Variants in SLC37A1 observed in about 807,000 individuals in gnomAD.
The protein encoded by SLC37A1 is glucose-6-phosphate exchanger SLC37A1.
In SLC37A1, 49 loss-of-function variants were observed where a neutral mutation model predicts 75.3. That is an observed-to-expected ratio of 0.65 (90% confidence interval 0.52 to 0.83). The LOEUF (loss-of-function observed/expected upper bound fraction) is 0.83, where lower values mean the gene tolerates loss of function less well. Among genes scored for constraint, SLC37A1 ranks in the 40% least tolerant of loss-of-function variants. SLC37A1 has a pLI of 0.00. For synonymous variants in SLC37A1, 268 were observed against 292.1 expected, an observed-to-expected ratio of 0.92 and a Z score of 0.84; for missense variants, 566 against 695.0, an observed-to-expected ratio of 0.81 and a Z score of 2.09.
intron 5 of SLC37A1, 44 bp from the exon 6 acceptor site, chr21:42,539,468 G>A (rs1438193626): frequency 1.3e-6 from 2 of 1,576,450 alleles, no homozygotes; most frequent in South Asian, 1.2e-5. Flanking sequence ...TAACATTCGG[G>A]CGTGTTTGTT....
chr21:42,508,115 G>A (rs534665941), intron 2 of SLC37A1, among the ~76,000 whole-genome samples: 2 of 146,326 alleles, frequency 1.4e-5, no homozygotes, highest in East Asian at 4.1e-4. Flanking sequence ...GGACTGAAGA[G>A]TACGCTCTTT....
At chr21:42,576,634 G>A (rs1242560352) in intron 18 of SLC37A1, among the ~76,000 whole-genome samples, 1 of 152,024 alleles carries the variant, frequency 6.6e-6, no homozygotes, top group East Asian at 1.9e-4. Context: ...TGTTACTAAT[G>A]ACATAAGAAA....
chr21:42,511,863 T>G (rs117408609), upstream of SLC37A1, among the ~76,000 whole-genome samples: 7,559 of 151,856 alleles, frequency 0.05, 268 homozygotes, highest in Middle Eastern at 0.1. Context: ...TCTGAAAAAC[T>G]TGAACTCAGA....
intron 3 of SLC37A1, among the ~76,000 whole-genome samples, chr21:42,531,059 G>A (rs1011237130): frequency 3.3e-5 from 5 of 152,182 alleles, no homozygotes; most frequent in South Asian, 2.1e-4. Context: ...AATTCCCACC[G>A]CAGCTGCCTG....
chr21:42,579,019 A>G (rs1343016576), intron 18 of SLC37A1, among the ~76,000 whole-genome samples: 1 of 152,228 alleles, frequency 6.6e-6, no homozygotes, highest in Non-Finnish European at 1.5e-5. Context: ...CTGATGTCCC[A>G]CTTGGGGAGA....
intron 1 of SLC37A1, among the ~76,000 whole-genome samples, chr21:42,515,615 A>G (rs1389738040): frequency 6.6e-6 from 1 of 152,162 alleles, no homozygotes; most frequent in Non-Finnish European, 1.5e-5. Context: ...ACAGTTGCCT[A>G]GGGTGGGTTT....
intron 10 of SLC37A1, 35 bp downstream of exon 10, chr21:42,554,177 C>A (rs370184691): frequency 1.3e-6 from 2 of 1,596,552 alleles, no homozygotes; most frequent in Non-Finnish European, 1.7e-6. Context: ...CCTAGAATGT[C>A]GGAGCTGCAG....
At chr21:42,501,354 G>A (rs1001699889) in intron 1 of SLC37A1, among the ~76,000 whole-genome samples, 3 of 152,184 alleles carry the variant, frequency 2.0e-5, no homozygotes, top group Admixed American at 6.5e-5. Flanking sequence ...GGATTACAAG[G>A]AAATGAGAAA....
chr21:42,540,132 T>G (rs2055238697), intron 6 of SLC37A1, among the ~76,000 whole-genome samples: 2 of 152,108 alleles, frequency 1.3e-5, no homozygotes, highest in East Asian at 3.9e-4. Flanking sequence ...AAATGCTGGG[T>G]GATCAATTTA....
intron 10 of SLC37A1, among the ~76,000 whole-genome samples, chr21:42,555,495 C>A (rs181891754): frequency 2.0e-4 from 30 of 152,336 alleles, no homozygotes; most frequent in Non-Finnish European, 3.4e-4. Flanking sequence ...AGAATGATGT[C>A]TCGTGCATCT....
rs2055457044 is a variant in SLC37A1 at position 42,548,015 on chromosome 21, A to G, written c.768+875A>G. On this transcript the variant is annotated intron_variant, in intron 9 of 19. Coordinates refer to ENST00000352133, the MANE Select transcript of SLC37A1 (RefSeq NM_001320537.2). This position sits in a 1 kb window ranked among gnomAD's most constrained non-coding sequence, Gnocchi z 5.6. ...TGGGCCCGTCGCCCGCGTCTGACCC[A>G]ATGCTTCCCTCCCTCTGGGGGTCAG... Among the ~76,000 whole-genome samples, 1 of 151,888 alleles carries G rather than the reference A, an allele frequency of 6.6e-6. No homozygotes were observed. The highest frequency in any genetic ancestry group is 1.5e-5 in the Non-Finnish European group (1 of 67,926).
In SLC37A1 at chr21:42,579,801, G is replaced by A. The variant is rs981426500; in HGVS notation, c.1586+1G>A. On this transcript the variant is annotated splice_donor_variant, in intron 19 of 19. Transcript: ENST00000352133. LOFTEE classifies it high-confidence loss of function. ...GGTCAGCTACGGGGGACCAAGTTCC[G>A]TAAGTCCCACTCGGGCCCTGTCTCC... is the stretch of plus-strand genomic sequence containing the variant. 1.5e-5 allele frequency: 24 copies of A among 1,614,060 alleles called. No homozygotes were observed. The highest frequency in any genetic ancestry group is 2.2e-5 in the East Asian group (1 of 44,890).
At chr21:42,530,947 A>G (rs2054956118) in intron 3 of SLC37A1, among the ~76,000 whole-genome samples, 2 of 152,206 alleles carry the variant, frequency 1.3e-5, no homozygotes, top group African/African-American at 2.4e-5. Context: ...CGGAGCCTTC[A>G]TGGAATGCAG....
chr21:42,566,580 C>T (rs111520148), intron 15 of SLC37A1, among the ~76,000 whole-genome samples: 1 of 152,118 alleles, frequency 6.6e-6, no homozygotes, highest in African/African-American at 2.4e-5. Flanking sequence ...TGTGACCCCC[C>T]CTCAGGCCAG....
rs1254230738 is a variant in SLC37A1 at position 42,545,006 on chromosome 21, C to T, written c.730+1404C>T. Reference sequence around the variant, plus strand: ...AAAGGACATGTGGAAGGGAAAGGAGCTTGCTCAATGGCCGGGACCTCAGCA... The same window carrying T: ...AAAGGACATGTGGAAGGGAAAGGAGTTTGCTCAATGGCCGGGACCTCAGCA... On this transcript the variant is annotated intron_variant, in intron 8 of 19. Coordinates refer to ENST00000352133, the MANE Select transcript of SLC37A1 (RefSeq NM_001320537.2). The surrounding 1 kb of genome is among the most constrained non-coding windows in gnomAD (Gnocchi z 4.0). Among the ~76,000 whole-genome samples, 1 of 152,188 alleles carries T rather than the reference C, an allele frequency of 6.6e-6. No homozygotes were observed. The highest frequency in any genetic ancestry group is 1.5e-5 in the Non-Finnish European group (1 of 68,026).
rs1007796132 is a variant in SLC37A1 at position 42,514,111 on chromosome 21, G to C, written c.-785G>C. Reference sequence around the variant, plus strand: ...CCTTCCTTTTCTTTTTTTTCGGGGGGAGGTGGGGGCTGGTTTGGATGTTTT... The same window carrying C: ...CCTTCCTTTTCTTTTTTTTCGGGGGCAGGTGGGGGCTGGTTTGGATGTTTT... On this transcript the variant is annotated 5_prime_UTR_variant, in exon 1 of 20. Coordinates refer to ENST00000352133, the MANE Select transcript of SLC37A1 (RefSeq NM_001320537.2). The surrounding 1 kb of genome is among the most constrained non-coding windows in gnomAD (Gnocchi z 4.8). The C allele has an allele frequency of 2.6e-5, 4 of 151,770 alleles. No homozygotes were observed. Among genetic ancestry groups the C allele is most frequent in the African/African-American group, 9.6e-5 (4 of 41,482 alleles). The allele number at this position is 151,770 out of a possible 1,614,324, so 9.4% of individuals were successfully genotyped here. A position where few individuals can be genotyped will look rare whatever the true frequency, so the allele number is the denominator to read the frequency against.
At chr21:42,558,281 G>A (rs2055741294) in intron 10 of SLC37A1, among the ~76,000 whole-genome samples, 1 of 152,194 alleles carries the variant, frequency 6.6e-6, no homozygotes, top group South Asian at 2.1e-4. Flanking sequence ...CAGAATAGGT[G>A]TATTTTAAAA....
intron 17 of SLC37A1, 127 bp downstream of exon 17, chr21:42,568,565 T>A: frequency 1.1e-6 from 1 of 883,390 alleles, no homozygotes; most frequent in Non-Finnish European, 1.8e-6. Flanking sequence ...CTTCTTACTA[T>A]ACGAGCAGAT....
chr21:42,540,109 C>A (rs228068), intron 6 of SLC37A1, among the ~76,000 whole-genome samples: 89,874 of 152,094 alleles, frequency 0.59, 27,140 homozygotes, highest in Admixed American at 0.7. Flanking sequence ...GGGATTCCAA[C>A]GAACAAAGCA....
Sources: allele counts gnomAD v4.1 joint callset (sites outside exome capture counted in the v4.1 genomes callset), GRCh38; gene constraint gnomAD v4.1.1; non-coding constraint Gnocchi (gnomAD v3.1); transcripts MANE v1.5; gene names NCBI Gene and HGNC (gene_info 2026-07-23, HGNC 2026-07-21).